Variants in POLR1E observed in about 807,000 individuals in gnomAD.
POLR1E encodes the protein RNA polymerase I subunit E, also known as DNA-directed RNA polymerase I subunit RPA49.
In POLR1E, 37 loss-of-function variants were observed where a neutral mutation model predicts 50.9. The observed-to-expected ratio is 0.73, with a 90% CI of 0.56 to 0.96. The LOEUF is 0.96. Among genes scored for constraint, POLR1E ranks in the 40% least tolerant of loss-of-function variants. The pLI, the probability that POLR1E is intolerant of heterozygous loss-of-function variation, is 0.00. For synonymous variants in POLR1E, 166 were observed against 191.6 expected, an observed-to-expected ratio of 0.87 and a Z score of 1.10; for missense variants, 426 against 518.1, an observed-to-expected ratio of 0.82 and a Z score of 1.73.
chr9:37,493,873 C>T (rs1160478919), intron 6 of POLR1E, among the ~76,000 whole-genome samples, 170 bp downstream of exon 6: 3 of 152,018 alleles, frequency 2.0e-5, no homozygotes, highest in East Asian at 1.9e-4. Context: ...AAGAAACATC[C>T]GACATGGCTT....
rs1820929700 is a variant in POLR1E, at chr9:37,503,419, G to A, written c.*217G>A. On this transcript the variant is annotated 3_prime_UTR_variant, in exon 12 of 12. Transcript: ENST00000377798. ...TAGGGAGACCCCATCTCTACCGGAGGAAAAAAAAAAGAGTCAGGCCTGGTG... is the reference window on the plus strand; with the variant it reads ...TAGGGAGACCCCATCTCTACCGGAGAAAAAAAAAAAGAGTCAGGCCTGGTG... The A allele has an allele frequency of 1.6e-5, 6 of 375,372 alleles. No homozygotes were observed. Among genetic ancestry groups the A allele is most frequent in the South Asian group, 7.0e-5 (1 of 14,212 alleles). 23.3% of individuals were successfully genotyped at this position (375,372 alleles called of 1,614,324 possible). A position where few individuals can be genotyped will look rare whatever the true frequency, so the allele number is the denominator to read the frequency against.
At chr9:37,486,998 C>T (rs1820589187) in intron 2 of POLR1E, among the ~76,000 whole-genome samples, 192 bp downstream of exon 2, 2 of 152,204 alleles carry the variant, frequency 1.3e-5, no homozygotes, top group Non-Finnish European at 2.9e-5. Flanking sequence ...TTTCAACAAG[C>T]ATTTATGGAA....
At chr9:37,486,259 G>T in intron 1 of POLR1E, 136 bp downstream of exon 1, 1 of 1,276,874 alleles carries the variant, frequency 7.8e-7, no homozygotes, top group Non-Finnish European at 1.1e-6. Flanking sequence ...CACTCCCCTG[G>T]GCTCTGTCAG....
chr9:37,495,212 C>T lies in POLR1E; in HGVS notation c.591C>T (p.Ser197=). Residue 197 remains serine (S), a synonymous_variant, in exon 7 of 12, where the codon TCC becomes TCT. Transcript: ENST00000377798. ...DAIHNDLQDD[S]LYLPPCYDDA... is the part of the protein sequence containing the mutation. The stretch of plus-strand genomic sequence containing the variant: ...TCCACAATGACTTGCAAGATGACTC[C>T]CTCTACCTTCCTCCCTGCTATGATG... The T allele has an allele frequency of 6.2e-7, 1 of 1,614,156 alleles. No homozygotes were observed. The highest frequency in any genetic ancestry group is 8.5e-7 in the Non-Finnish European group (1 of 1,180,024).
chr9:37,493,762 G>C (rs1249935458), intron 6 of POLR1E, 59 bp downstream of exon 6: 2 of 1,399,536 alleles, frequency 1.4e-6, no homozygotes, highest in Non-Finnish European at 1.9e-6. Context: ...CTCTTCTCTT[G>C]AGATCTTTTA....
chr9:37,489,582 T>A (rs1164041568), intron 4 of POLR1E, among the ~76,000 whole-genome samples, 182 bp downstream of exon 4: 1 of 152,186 alleles, frequency 6.6e-6, no homozygotes, highest in African/African-American at 2.4e-5. Context: ...TTTTGTTTTT[T>A]GTTTTTTTTG....
intron 4 of POLR1E, 137 bp from the exon 5 acceptor site, chr9:37,492,520 C>G (rs1450469456): frequency 2.3e-6 from 2 of 881,378 alleles, no homozygotes; most frequent in Admixed American, 4.6e-5. Flanking sequence ...ACAGTATACA[C>G]TCATGTTAGG....
In POLR1E at chr9:37,489,058, G is replaced by A. The variant is rs142267511; in HGVS notation, c.258-257G>A. ...GTTCGAGACCAGCCTGGACAACATG[G>A]TGAAACCCATCTTTATTAAAAATGC... On this transcript the variant is annotated intron_variant, in intron 3 of 11. Coordinates refer to ENST00000377798, the MANE Select transcript of POLR1E (RefSeq NM_022490.4). 1.4e-3 allele frequency among the ~76,000 whole-genome samples: 220 copies of A among 152,178 alleles called. 1 individual carries two copies. The highest frequency in any genetic ancestry group is 4.9e-3 in the African/African-American group (205 of 41,510).
At chr9:37,500,035 GA>G (rs1820854524) in intron 9 of POLR1E, among the ~76,000 whole-genome samples, 1 of 151,818 alleles carries the variant, frequency 6.6e-6, no homozygotes, top group Non-Finnish European at 1.5e-5. Context: ...ATTTTTAGTA[GA>G]GACGGGGTTT....
Position 37,485,983 on chromosome 9 carries a change from T to A in POLR1E, c.-65T>A. 1 of 1,551,040 alleles carries A rather than the reference T, an allele frequency of 6.4e-7. No individual in the cohort carries two copies. The highest frequency in any genetic ancestry group is 8.8e-7 in the Non-Finnish European group (1 of 1,142,758). On this transcript the variant is annotated 5_prime_UTR_variant, in exon 1 of 12. Coordinates refer to ENST00000377798, the MANE Select transcript of POLR1E (RefSeq NM_022490.4). ...CCGCAGCGCGGCCTGGGCTCCCGCG[T>A]GTTTAAAAGTGCGCTTGTGGCTGCT...
chr9:37,488,245 G>C (rs906446991), intron 3 of POLR1E, among the ~76,000 whole-genome samples: 3 of 152,182 alleles, frequency 2.0e-5, no homozygotes, highest in African/African-American at 4.8e-5. Flanking sequence ...GTCAAAGCTT[G>C]CGTGAAGTTT....
In POLR1E at chr9:37,499,541, G is replaced by GT. The variant is rs201590700; in HGVS notation, c.887-1291dup. Among the ~76,000 whole-genome samples, 552 of 151,656 alleles carry GT rather than the reference G, an allele frequency of 3.6e-3. 2 individuals are homozygous for GT. The highest frequency in any genetic ancestry group is 5.7e-3 in the Non-Finnish European group (387 of 67,832). On this transcript the variant is annotated intron_variant, in intron 9 of 11. Transcript: ENST00000377798. Reference sequence around the variant, plus strand: ...TGTTTTTTTGTTTTGTTTTTGTTTTGTTTTTTTTGAGACAGTATCTCGCTC... The same window carrying GT: ...TGTTTTTTTGTTTTGTTTTTGTTTTGTTTTTTTTTGAGACAGTATCTCGCTC...
At chr9:37,494,327 C>T (rs987295704) in intron 6 of POLR1E, among the ~76,000 whole-genome samples, 2 of 151,958 alleles carry the variant, frequency 1.3e-5, no homozygotes, top group Non-Finnish European at 2.9e-5. Flanking sequence ...TATAGGCGCA[C>T]ACCACTGTGC....
At chr9:37,487,718 G>T in intron 2 of POLR1E, 145 bp from the exon 3 acceptor site, 1 of 758,198 alleles carries the variant, frequency 1.3e-6, no homozygotes, top group Non-Finnish European at 2.2e-6. Context: ...AGAGATAGTG[G>T]GGCTGGATCA....
At chr9:37,496,151 G>C (rs1414588719) in intron 8 of POLR1E, among the ~76,000 whole-genome samples, 165 bp downstream of exon 8, 1 of 152,194 alleles carries the variant, frequency 6.6e-6, no homozygotes, top group East Asian at 1.9e-4. Context: ...TTCAGGAGCT[G>C]TGGGTCACAT....
Position 37,489,346 on chromosome 9 carries a change from G to T in POLR1E, c.289G>T (p.Gly97Cys), listed in dbSNP as rs1820637605. The change falls in exon 4 of 12, where the codon GGC becomes TGC. Residue 97 changes from glycine (G) to cysteine (C), a missense_variant. Gly to Cys is a radical substitution (Grantham distance 159, BLOSUM62 -3). Transcript: ENST00000377798. ...TGTGGGAATTTTGAACAAGACCTCT[G>T]GCCAAATGGAAGTATATGATGCTGA... ...HFVGILNKTS[G>C]QMEVYDAELF... is the part of the protein sequence containing the mutation. The T allele has an allele frequency of 4.4e-6, 7 of 1,601,774 alleles. No individual in the cohort carries two copies. Among genetic ancestry groups the T allele is most frequent in the Non-Finnish European group, 5.9e-6 (7 of 1,176,984 alleles).
Position 37,503,450 on chromosome 9 carries a change from C to A in POLR1E, c.*248C>A, listed in dbSNP as rs1448161977. 2 of 315,800 alleles carry A rather than the reference C, an allele frequency of 6.3e-6. No individual in the cohort carries two copies. Among genetic ancestry groups the A allele is most frequent in the Non-Finnish European group, 1.1e-5 (2 of 175,112 alleles). 19.6% of individuals were successfully genotyped at this position (315,800 alleles called of 1,614,324 possible). Reference sequence around the variant, plus strand: ...AAAAAGAGTCAGGCCTGGTGGTGTGCGCCTGTAATCCCAGCTACTCGGGAG... The same window carrying A: ...AAAAAGAGTCAGGCCTGGTGGTGTGAGCCTGTAATCCCAGCTACTCGGGAG... On this transcript the variant is annotated 3_prime_UTR_variant, in exon 12 of 12. Coordinates refer to ENST00000377798, the MANE Select transcript of POLR1E (RefSeq NM_022490.4).
At chr9:37,487,715 G>A in intron 2 of POLR1E, 148 bp from the exon 3 acceptor site, 1 of 738,688 alleles carries the variant, frequency 1.4e-6, no homozygotes, top group South Asian at 1.7e-5. Flanking sequence ...CTTAGAGATA[G>A]TGGGGCTGGA....
At chr9:37,500,093 C>T (rs977594565) in intron 9 of POLR1E, among the ~76,000 whole-genome samples, 7 of 150,612 alleles carry the variant, frequency 4.6e-5, no homozygotes, top group African/African-American at 1.7e-4. Context: ...TCATGATCTG[C>T]CTGCCTTGGT....
Sources: gnomAD v4.1 joint callset for allele counts (sites outside exome capture counted in the v4.1 genomes callset) on GRCh38, gnomAD v4.1.1 for gene constraint, MANE v1.5 for transcripts, NCBI Gene and HGNC (gene_info 2026-07-23, HGNC 2026-07-21) for gene names.